NTNG2: variants seen among roughly 807,000 people sequenced by gnomAD.
NTNG2 encodes netrin-G2.
Under a neutral mutation model 47.6 loss-of-function variants are expected in NTNG2, and 15 were observed. The ratio of observed to expected loss-of-function variants is 0.32; its 90% CI spans 0.21 to 0.49. The LOEUF is 0.49. Ranked by LOEUF, NTNG2 falls within the 20% of genes least tolerant of loss-of-function variation. The pLI, the probability that NTNG2 is intolerant of heterozygous loss-of-function variation, is 0.99. For missense variants in NTNG2, 578 were observed against 764.6 expected, an observed-to-expected ratio of 0.76 and a Z score of 2.88; for synonymous variants, 307 against 324.6, an observed-to-expected ratio of 0.95 and a Z score of 0.58.
chr9:132,165,156 T>C (rs1197477828), intron 1 of NTNG2, among the ~76,000 whole-genome samples: 3 of 152,224 alleles, frequency 2.0e-5, no homozygotes, highest in Non-Finnish European at 4.4e-5. Flanking sequence ...CTTTGCCCTA[T>C]TGGCCAATAT....
At position 132,215,051 on chromosome 9, in the gene NTNG2, G is replaced by GT. The variant is rs1458560326; in HGVS notation, c.858-11790dup. 7.7e-4 allele frequency among the ~76,000 whole-genome samples: 92 copies of GT among 119,066 alleles called. No individual in the cohort carries two copies. Among genetic ancestry groups the GT allele is most frequent in the African/African-American group, 2.8e-3 (80 of 29,064 alleles). 78.1% of individuals were successfully genotyped at this position (119,066 alleles called of 152,430 possible). ...ACCACCATGCCCTGATAAATTTTGT[G>GT]TTTTTTTTAATTTTTTTGTAGAGAT... On this transcript the variant is annotated intron_variant, in intron 3 of 7. Coordinates refer to ENST00000393229, the MANE Select transcript of NTNG2 (RefSeq NM_032536.4). The surrounding 1 kb of genome is among the most constrained non-coding windows in gnomAD (Gnocchi z 4.2).
chr9:132,241,147 T>A (rs1303334913), intron 7 of NTNG2, 103 bp downstream of exon 7: 2 of 953,098 alleles, frequency 2.1e-6, no homozygotes, highest in Admixed American at 1.1e-4. Context: ...GGCGGTGGAC[T>A]GGGCCTAGCA....
chr9:132,217,858 C>G (rs992618455), intron 3 of NTNG2, among the ~76,000 whole-genome samples: 4 of 152,192 alleles, frequency 2.6e-5, no homozygotes, highest in African/African-American at 9.7e-5. Flanking sequence ...GATGGGGTTA[C>G]CATCTCTCAG....
At chr9:132,184,182 G>A (rs535926247) in intron 2 of NTNG2, among the ~76,000 whole-genome samples, 6 of 152,216 alleles carry the variant, frequency 3.9e-5, no homozygotes, top group South Asian at 4.2e-4. Context: ...CTCTTTCATC[G>A]GCCCCACCGC....
intron 2 of NTNG2, among the ~76,000 whole-genome samples, chr9:132,170,638 G>T (rs975852025): frequency 1.3e-5 from 2 of 152,202 alleles, no homozygotes; most frequent in Non-Finnish European, 2.9e-5. Context: ...GAGAGGAAGG[G>T]GGAAACCCTT....
chr9:132,190,232 CAAAAAAAAAAAAAAAAAAA>C (rs58974463), intron 2 of NTNG2, among the ~76,000 whole-genome samples: 4 of 69,928 alleles, frequency 5.7e-5, no homozygotes, highest in African/African-American at 2.3e-4. Flanking sequence ...GACTCCATCT[CAAAAAAAAAAAAAAAAAAA>C]AAAAAAAAAA....
rs1835213715 is a variant in NTNG2, at chr9:132,163,214, G to A, written c.-484+975G>A. On this transcript the variant is annotated intron_variant, in intron 1 of 7. Transcript: ENST00000393229. This position sits in a 1 kb window ranked among gnomAD's most constrained non-coding sequence, Gnocchi z 7.2. ...ACGAAAAGCAGCTGCGGGGCTGCCG[G>A]GTCGTCGGTGTCCTAGGCACAGGGC... Among the ~76,000 whole-genome samples the A allele has an allele frequency of 6.6e-6, 1 of 152,140 alleles. No homozygotes were observed. Among genetic ancestry groups the A allele is most frequent in the Non-Finnish European group, 1.5e-5 (1 of 67,994 alleles).
intron 7 of NTNG2, among the ~76,000 whole-genome samples, 184 bp downstream of exon 7, chr9:132,241,228 G>A (rs1159382557): frequency 2.0e-5 from 3 of 150,880 alleles, no homozygotes; most frequent in African/African-American, 4.9e-5. Flanking sequence ...GGGGCCTCGC[G>A]AGACGGGGCA....
chr9:132,226,718 G>A lies in NTNG2; in HGVS notation c.858-131G>A. 1.5e-6 allele frequency: 1 copy of A among 686,014 alleles called. No individual in the cohort carries two copies. The highest frequency in any genetic ancestry group is 2.3e-5 in the South Asian group (1 of 43,778). The allele number at this position is 686,014 out of a possible 1,614,324, so 42.5% of individuals were successfully genotyped here. ...TTCTGGCCTAAAGGTTGGGCTGGTG[G>A]CCTCCAGGGTTTCTTCCTGGGCAGC... is the stretch of plus-strand genomic sequence containing the variant. On this transcript the variant is annotated intron_variant, in intron 3 of 7. Transcript: ENST00000393229. This position sits in a 1 kb window ranked among gnomAD's most constrained non-coding sequence, Gnocchi z 4.8.
At chr9:132,207,382 G>A (rs931798131) in intron 3 of NTNG2, among the ~76,000 whole-genome samples, 4 of 152,188 alleles carry the variant, frequency 2.6e-5, no homozygotes, top group Non-Finnish European at 5.9e-5. Context: ...CTCCTGGTGG[G>A]GCCGGCAGCC....
rs907421974 is a variant in NTNG2, at chr9:132,215,452, C to T, written c.858-11397C>T. 9.3e-5 allele frequency among the ~76,000 whole-genome samples: 14 copies of T among 149,762 alleles called. No individual in the cohort carries two copies. Among genetic ancestry groups the T allele is most frequent in the Admixed American group, 1.3e-4 (2 of 15,012 alleles). On this transcript the variant is annotated intron_variant, in intron 3 of 7. Coordinates refer to ENST00000393229, the MANE Select transcript of NTNG2 (RefSeq NM_032536.4). This position sits in a 1 kb window ranked among gnomAD's most constrained non-coding sequence, Gnocchi z 4.2. Reference sequence around the variant, plus strand: ...AAAATTAGCCGGGTGTGGTGGCGGGCGCCTGTAATCCCAGCTACTCGGGAG... The same window carrying T: ...AAAATTAGCCGGGTGTGGTGGCGGGTGCCTGTAATCCCAGCTACTCGGGAG...
rs1003643008 is a variant in NTNG2 at position 132,231,596 on chromosome 9, C to T, written c.1054+1001C>T. On this transcript the variant is annotated intron_variant, in intron 5 of 7. Coordinates refer to ENST00000393229, the MANE Select transcript of NTNG2 (RefSeq NM_032536.4). This position sits in a 1 kb window ranked among gnomAD's most constrained non-coding sequence, Gnocchi z 4.1. ...AAGTTGCTTCTCTGTGGTGTCCCCACCCCGGCAACCCCCCAACCCTCTCTT... is the reference window on the plus strand; with the variant it reads ...AAGTTGCTTCTCTGTGGTGTCCCCATCCCGGCAACCCCCCAACCCTCTCTT... The T allele has an allele frequency of 3.3e-6, 1 of 304,466 alleles. No homozygotes were observed. Among genetic ancestry groups the T allele is most frequent in the African/African-American group, 2.3e-5 (1 of 43,774 alleles). 18.9% of individuals were successfully genotyped at this position (304,466 alleles called of 1,614,324 possible). A position where few individuals can be genotyped will look rare whatever the true frequency, so the allele number is the denominator to read the frequency against.
intron 2 of NTNG2, among the ~76,000 whole-genome samples, chr9:132,185,084 G>A (rs1025374861): frequency 6.6e-6 from 1 of 152,136 alleles, no homozygotes; most frequent in Non-Finnish European, 1.5e-5. Context: ...CTGGGGGTGG[G>A]GAGGCTAGAG....
chr9:132,226,963 C>T lies in NTNG2; in HGVS notation c.972C>T (p.Arg324=). ...GCGGCAAGTGCAAGAAGAATTTCCG[C>T]ACCCGGTCCTGGCGGGCCGGCTCCT... ...PDCGKCKKNF[R]TRSWRAGSYL... Residue 324 remains arginine, a synonymous_variant, in exon 4 of 8, where the codon CGC becomes CGT. Transcript: ENST00000393229. This position sits in a 1 kb window ranked among gnomAD's most constrained non-coding sequence, Gnocchi z 4.8. 1 of 1,612,318 alleles carries T rather than the reference C, an allele frequency of 6.2e-7. No individual in the cohort carries two copies. The highest frequency in any genetic ancestry group is 8.5e-7 in the Non-Finnish European group (1 of 1,179,780).
rs756837427 is a variant in NTNG2, at chr9:132,167,020, C to A, written c.189C>A (p.Asp63Glu). 6.2e-6 allele frequency: 10 copies of A among 1,614,192 alleles called. No individual in the cohort carries two copies. The South Asian group carries it at 8.8e-5, about 14-fold the overall frequency. ...KVEPSGITCGDPPERFCSHEN... is the reference protein window; with the variant it reads ...KVEPSGITCGEPPERFCSHEN... ...AGCCCTCAGGCATCACATGTGGAGA[C>A]CCCCCTGAGAGGTTCTGCTCCCATG... The change falls in exon 2 of 8, where the codon GAC becomes GAA. Residue 63 changes from aspartate to glutamate, a missense_variant. By Grantham distance (45) the Asp-to-Glu change is conservative. Coordinates refer to ENST00000393229, the MANE Select transcript of NTNG2 (RefSeq NM_032536.4).
At chr9:132,217,031 C>T (rs1324984130) in intron 3 of NTNG2, among the ~76,000 whole-genome samples, 3 of 152,188 alleles carry the variant, frequency 2.0e-5, no homozygotes, top group Non-Finnish European at 2.9e-5. Flanking sequence ...GAGACGCAGG[C>T]AGCAGGTGGC....
intron 5 of NTNG2, 117 bp from the exon 6 acceptor site, chr9:132,238,987 T>C (rs1205355903): frequency 1.8e-6 from 2 of 1,089,724 alleles, no homozygotes; most frequent in South Asian, 2.5e-5. Flanking sequence ...CGGTACCTTT[T>C]CCAAAGATGC....
In NTNG2 at chr9:132,218,988, C is replaced by T. The variant is rs113669887; in HGVS notation, c.858-7861C>T. On this transcript the variant is annotated intron_variant, in intron 3 of 7. Transcript: ENST00000393229. The surrounding 1 kb of genome is among the most constrained non-coding windows in gnomAD (Gnocchi z 5.4). ...ACACATGTAAAGCGTACAATTCAGT[C>T]GCTTTTAGGTTATTCACAGAGTTGT... 2.9e-3 allele frequency among the ~76,000 whole-genome samples: 439 copies of T among 152,280 alleles called. 1 individual carries two copies. Among genetic ancestry groups the T allele is most frequent in the Non-Finnish European group, 4.5e-3 (309 of 68,028 alleles).
intron 2 of NTNG2, among the ~76,000 whole-genome samples, chr9:132,170,175 G>A (rs1340162899): frequency 6.6e-6 from 1 of 152,214 alleles, no homozygotes. Flanking sequence ...CAGATGCGGG[G>A]TGCAGACCCT....
Sources: gnomAD v4.1 joint callset for allele counts (sites outside exome capture counted in the v4.1 genomes callset) on GRCh38, gnomAD v4.1.1 for gene constraint, Gnocchi (gnomAD v3.1) non-coding constraint, MANE v1.5 for transcripts, NCBI Gene and HGNC (gene_info 2026-07-23, HGNC 2026-07-21) for gene names.